QPCTL: variants seen among roughly 807,000 people sequenced by gnomAD.
The protein encoded by QPCTL is glutaminyl-peptide cyclotransferase-like protein.
In QPCTL, 31 loss-of-function variants were observed where a neutral mutation model predicts 34.6. That is an observed-to-expected ratio of 0.90 (90% CI 0.67 to 1.21). QPCTL has a LOEUF of 1.21. Among genes scored for constraint, QPCTL ranks in the 50% most tolerant of loss-of-function variants. The probability of loss-of-function intolerance (pLI) is 0.00; values close to 1 mark genes in which losing one functional copy is unlikely to be tolerated. For missense variants in QPCTL, 474 were observed against 507.8 expected, an observed-to-expected ratio of 0.93 and a Z score of 0.64; for synonymous variants, 223 against 226.9, an observed-to-expected ratio of 0.98 and a Z score of 0.15.
In QPCTL at chr19:45,698,646, C is replaced by G; in HGVS notation, c.733C>G (p.Gln245Glu). Reference sequence around the variant, plus strand: ...CCTTTACGGTTCCCGGCACCTGGCCCAGCTCATGGAGTCTATACCTCACAG... The same window carrying G: ...CCTTTACGGTTCCCGGCACCTGGCCGAGCTCATGGAGTCTATACCTCACAG... ...DSLYGSRHLAQLMESIPHSPG... is the reference protein window; with the variant it reads ...DSLYGSRHLAELMESIPHSPG... The change falls in exon 4 of 7, where the codon CAG becomes GAG. Residue 245 changes from glutamine (Q) to glutamate (E), a missense_variant. Gln to Glu is a conservative substitution (Grantham distance 29, BLOSUM62 2). Transcript: ENST00000012049. The G allele has an allele frequency of 1.2e-6, 2 of 1,614,142 alleles. No homozygotes were observed. Among genetic ancestry groups the G allele is most frequent in the Non-Finnish European group, 1.7e-6 (2 of 1,180,032 alleles).
rs1332394405 is a variant in QPCTL, at chr19:45,692,846, T to A, written c.143T>A (p.Phe48Tyr). 3.8e-6 allele frequency: 6 copies of A among 1,562,108 alleles called. No individual in the cohort carries two copies. The South Asian group carries it at 7.0e-5, about 18-fold the overall frequency. Reference protein sequence around the residue: ...LLLALAVGSAFYTIWSGWHRR... With the variant: ...LLLALAVGSAYYTIWSGWHRR... The stretch of plus-strand genomic sequence containing the variant: ...CTGGCGCTGGCCGTGGGCTCGGCGT[T>A]CTACACCATTTGGAGCGGCTGGCAC... Residue 48 changes from phenylalanine to tyrosine, a missense_variant, in exon 1 of 7, where the codon TTC (phenylalanine) becomes TAC (tyrosine). Coordinates refer to ENST00000012049, the MANE Select transcript of QPCTL (RefSeq NM_017659.4).
At chr19:45,693,583 A>C in intron 2 of QPCTL, 27 bp downstream of exon 2, 1 of 1,577,564 alleles carries the variant, frequency 6.3e-7, no homozygotes, top group Non-Finnish European at 8.6e-7. Flanking sequence ...CCAGTCCCTG[A>C]CCCCCTAGCC....
At chr19:45,697,968 C>G (rs1160320231) in intron 3 of QPCTL, among the ~76,000 whole-genome samples, 1 of 151,996 alleles carries the variant, frequency 6.6e-6, no homozygotes, top group East Asian at 1.9e-4. Context: ...TATTGCCGGG[C>G]GCGGTGGCTC....
At chr19:45,697,249 AC>A (rs1967714539) in intron 3 of QPCTL, among the ~76,000 whole-genome samples, 1 of 151,936 alleles carries the variant, frequency 6.6e-6, no homozygotes, top group South Asian at 2.1e-4. Flanking sequence ...ACACAGTGAA[AC>A]CCCGTCTCTA....
rs1967843130 is a variant in QPCTL, at chr19:45,703,196, CTTTCT to C, written c.*151_*155del. On this transcript the variant is annotated 3_prime_UTR_variant, in exon 7 of 7. Coordinates refer to ENST00000012049, the MANE Select transcript of QPCTL (RefSeq NM_017659.4). ...AATTGTGCTACAATTGGAAGACCTT[CTTTCT>C]TTTGATTGTCTCAAGCTGCCACCCT... The C allele has an allele frequency of 9.3e-7, 1 of 1,074,108 alleles. No individual in the cohort carries two copies. Among genetic ancestry groups the C allele is most frequent in the Non-Finnish European group, 1.3e-6 (1 of 753,012 alleles). The allele number at this position is 1,074,108 out of a possible 1,614,324, so 66.5% of individuals were successfully genotyped here.
At chr19:45,694,552 C>T (rs1023378253) in intron 2 of QPCTL, among the ~76,000 whole-genome samples, 2 of 151,718 alleles carry the variant, frequency 1.3e-5, no homozygotes, top group African/African-American at 4.8e-5. Context: ...CTCACTGCAA[C>T]CTCCACCTCC....
At chr19:45,702,374 G>A (rs1349665693) in intron 6 of QPCTL, among the ~76,000 whole-genome samples, 1 of 151,722 alleles carries the variant, frequency 6.6e-6, no homozygotes, top group Non-Finnish European at 1.5e-5. Flanking sequence ...GAAGTGGGAG[G>A]AGCACTTGGG....
intron 5 of QPCTL, among the ~76,000 whole-genome samples, chr19:45,699,904 C>G (rs1460556739): frequency 6.8e-6 from 1 of 147,996 alleles, no homozygotes; most frequent in Non-Finnish European, 1.5e-5. Flanking sequence ...TGCACTCCAG[C>G]CTGGGCAACA....
At chr19:45,697,955 T>G (rs36040835) in intron 3 of QPCTL, among the ~76,000 whole-genome samples, 26,410 of 152,070 alleles carry the variant, frequency 0.17, 2,630 homozygotes, top group Middle Eastern at 0.27. Flanking sequence ...TGAAAAGAAC[T>G]GTTATTGCCG....
intron 1 of QPCTL, 122 bp from the exon 2 acceptor site, chr19:45,693,291 T>A: frequency 7.6e-7 from 1 of 1,310,174 alleles, no homozygotes; most frequent in Non-Finnish European, 1.0e-6. Context: ...AAGTCTCCGA[T>A]GCTGGAGGCG....
chr19:45,698,341 C>T (rs1967740135), intron 3 of QPCTL: 5 of 577,792 alleles, frequency 8.7e-6, no homozygotes, highest in Non-Finnish European at 1.5e-5. Flanking sequence ...TAGTAACTTC[C>T]CCATGCCTGC....
At position 45,701,836 on chromosome 19, in the gene QPCTL, C is replaced by A. The variant is rs747777441; in HGVS notation, c.925C>A (p.Pro309Thr). ...CCGTTTGAACCTGCTGCAGTCTCAT[C>A]CCCAGGAAGTGATGTACTTCCAACC... is the stretch of plus-strand genomic sequence containing the variant. ...LHRLNLLQSH[P>T]QEVMYFQPGE... The change falls in exon 6 of 7, where the codon CCC (proline) becomes ACC (threonine). Residue 309 changes from proline to threonine, a missense_variant. Coordinates refer to ENST00000012049, the MANE Select transcript of QPCTL (RefSeq NM_017659.4). The A allele has an allele frequency of 2.7e-5, 43 of 1,613,922 alleles. No homozygotes were observed. The highest frequency in any genetic ancestry group is 1.6e-4 in the Middle Eastern group (1 of 6,084).
rs144236492 is a variant in QPCTL at position 45,693,506 on chromosome 19, C to T, written c.301C>T (p.Leu101=). The T allele has an allele frequency of 6.2e-7, 1 of 1,612,948 alleles. No homozygotes were observed. The highest frequency in any genetic ancestry group is 8.5e-7 in the Non-Finnish European group (1 of 1,179,390). Residue 101 remains leucine (L), a synonymous_variant, in exon 2 of 7, where the codon CTG becomes TTG. Transcript: ENST00000012049. ...QRLWSTYLRP[L]LVVRTPGSPG... The stretch of plus-strand genomic sequence containing the variant: ...TCTCTGGAGCACTTATCTGCGCCCC[C>T]TGCTGGTTGTGCGAACCCCGGGCAG...
At chr19:45,698,141 G>A (rs1399373399) in intron 3 of QPCTL, among the ~76,000 whole-genome samples, 1 of 152,024 alleles carries the variant, frequency 6.6e-6, no homozygotes, top group Non-Finnish European at 1.5e-5. Context: ...TGTATGGGAG[G>A]CTGAGGCAGG....
At chr19:45,697,005 T>A (rs1310342115) in intron 3 of QPCTL, among the ~76,000 whole-genome samples, 1 of 151,810 alleles carries the variant, frequency 6.6e-6, no homozygotes, top group Non-Finnish European at 1.5e-5. Context: ...CCTGTAATCC[T>A]ACTACTTGGG....
Position 45,702,057 on chromosome 19 carries a change from G to C in QPCTL, c.1003+143G>C, listed in dbSNP as rs1461880346. 5 of 633,676 alleles carry C rather than the reference G, an allele frequency of 7.9e-6. No individual in the cohort carries two copies. The East Asian group carries it at 1.4e-4, about 17-fold the overall frequency. The allele number at this position is 633,676 out of a possible 1,614,324, so 39.3% of individuals were successfully genotyped here. On this transcript the variant is annotated intron_variant, in intron 6 of 6. Transcript: ENST00000012049. ...TTTGATTTATTCATCTGTAAAATGGGGATAATACTCCCTATCTTAGAGTAT... is the reference window on the plus strand; with the variant it reads ...TTTGATTTATTCATCTGTAAAATGGCGATAATACTCCCTATCTTAGAGTAT...
At chr19:45,699,858 G>T (rs911071994) in intron 5 of QPCTL, among the ~76,000 whole-genome samples, 1 of 151,216 alleles carries the variant, frequency 6.6e-6, no homozygotes, top group African/African-American at 2.4e-5. Flanking sequence ...CTTGAACCTG[G>T]GAGGCGGAGG....
chr19:45,695,352 G>C, intron 2 of QPCTL, 85 bp from the exon 3 acceptor site: 1 of 1,292,916 alleles, frequency 7.7e-7, no homozygotes, highest in South Asian at 1.3e-5. Context: ...CAACCCATCT[G>C]CTCTGCATGG....
chr19:45,700,820 G>A (rs1188802850), intron 5 of QPCTL, among the ~76,000 whole-genome samples: 5 of 152,060 alleles, frequency 3.3e-5, no homozygotes, highest in Admixed American at 1.3e-4. Flanking sequence ...TTAGCTGGGT[G>A]TGGTGGTGGG....
Sources: allele counts gnomAD v4.1 joint callset (sites outside exome capture counted in the v4.1 genomes callset), GRCh38; gene constraint gnomAD v4.1.1; transcripts MANE v1.5; gene names NCBI Gene and HGNC (gene_info 2026-07-23, HGNC 2026-07-21).